SLC2A13: variants seen among roughly 807,000 people sequenced by gnomAD.
SLC2A13 encodes solute carrier family 2 member 13, also known as proton myo-inositol cotransporter.
Under a neutral mutation model 64.4 loss-of-function variants are expected in SLC2A13, and 32 were observed. The ratio of observed to expected loss-of-function variants is 0.50; its 90% confidence interval spans 0.37 to 0.67. The LOEUF is 0.67. SLC2A13 is among the 30% of genes least tolerant of loss of function. The probability of loss-of-function intolerance (pLI) is 0.00; values close to 1 mark genes in which losing one functional copy is unlikely to be tolerated. For missense variants in SLC2A13, 743 were observed against 829.2 expected (o/e 0.90, Z 1.28); for synonymous variants, 338 against 327.1 (o/e 1.03, Z -0.36).
intron 7 of SLC2A13, among the ~76,000 whole-genome samples, chr12:39,783,785 G>C (rs1213607272): frequency 6.6e-6 from 1 of 152,108 alleles, no homozygotes; most frequent in Non-Finnish European, 1.5e-5. Flanking sequence ...AAGTCAAATG[G>C]TCCCTGTTTG....
At chr12:39,964,803 G>A (rs1356739545) in intron 3 of SLC2A13, among the ~76,000 whole-genome samples, 2 of 152,136 alleles carry the variant, frequency 1.3e-5, no homozygotes, top group East Asian at 1.9e-4. Flanking sequence ...TAAGGCTGAC[G>A]AACACACAGT....
intron 3 of SLC2A13, among the ~76,000 whole-genome samples, chr12:40,001,459 A>G (rs1165525235): frequency 6.6e-6 from 1 of 152,220 alleles, no homozygotes; most frequent in African/African-American, 2.4e-5. Flanking sequence ...AATATCTTTA[A>G]TTTCCACAGT....
intron 7 of SLC2A13, among the ~76,000 whole-genome samples, chr12:39,785,006 G>C (rs1304865874): frequency 6.6e-6 from 1 of 152,152 alleles, no homozygotes; most frequent in Non-Finnish European, 1.5e-5. Context: ...GAACATAAAA[G>C]TTAGAAAATT....
chr12:39,978,748 A>G (rs28370741), intron 3 of SLC2A13, among the ~76,000 whole-genome samples: 125 of 152,182 alleles, frequency 8.2e-4, no homozygotes, highest in Admixed American at 1.5e-3. Flanking sequence ...GCTGGGGGAG[A>G]GGCGCCCGCC....
At chr12:39,928,460 G>A (rs983900466) in intron 4 of SLC2A13, among the ~76,000 whole-genome samples, 3 of 152,108 alleles carry the variant, frequency 2.0e-5, no homozygotes, top group African/African-American at 7.2e-5. Context: ...AAAGAAAATA[G>A]AGCTAAAATG....
intron 1 of SLC2A13, among the ~76,000 whole-genome samples, chr12:40,092,020 G>A (rs927267274): frequency 6.6e-5 from 10 of 152,132 alleles, no homozygotes; most frequent in East Asian, 1.9e-4. Flanking sequence ...TCCTCTGCAC[G>A]ACTGTGTCTT....
At chr12:40,098,392 T>G (rs1021615469) in intron 1 of SLC2A13, among the ~76,000 whole-genome samples, 3 of 152,214 alleles carry the variant, frequency 2.0e-5, no homozygotes, top group South Asian at 2.1e-4. Flanking sequence ...TTTTGCAAGA[T>G]GAAAATGTTC....
chr12:40,098,716 G>C (rs144304246), intron 1 of SLC2A13, among the ~76,000 whole-genome samples: 1 of 152,300 alleles, frequency 6.6e-6, no homozygotes, highest in East Asian at 1.9e-4. Context: ...AACTCTTTCT[G>C]CCTAAATATC....
At chr12:40,077,698 G>C (rs1938234155) in intron 1 of SLC2A13, among the ~76,000 whole-genome samples, 1 of 152,112 alleles carries the variant, frequency 6.6e-6, no homozygotes, top group African/African-American at 2.4e-5. Context: ...AAATGATATA[G>C]GTAGTTGGGT....
chr12:39,857,053 G>T (rs1943628167), intron 6 of SLC2A13, among the ~76,000 whole-genome samples: 1 of 152,208 alleles, frequency 6.6e-6, no homozygotes, highest in African/African-American at 2.4e-5. Flanking sequence ...AAAACTCCAA[G>T]TTGGTTTCAT....
At chr12:39,785,328 G>A (rs1941146694) in intron 7 of SLC2A13, among the ~76,000 whole-genome samples, 1 of 152,200 alleles carries the variant, frequency 6.6e-6, no homozygotes, top group East Asian at 1.9e-4. Flanking sequence ...TCTGGCTGTG[G>A]CTTCAGAGAG....
At chr12:39,979,267 T>A (rs991074965) in intron 3 of SLC2A13, among the ~76,000 whole-genome samples, 3 of 136,696 alleles carry the variant, frequency 2.2e-5, no homozygotes, top group African/African-American at 8.3e-5. Flanking sequence ...GCAGAGCGCC[T>A]CTCCTCCTCC....
At chr12:40,038,411 G>A (rs1948024921) in intron 2 of SLC2A13, among the ~76,000 whole-genome samples, 1 of 152,104 alleles carries the variant, frequency 6.6e-6, no homozygotes, top group Non-Finnish European at 1.5e-5. Flanking sequence ...CCCAGGATAT[G>A]ATGAATTCTG....
intron 3 of SLC2A13, among the ~76,000 whole-genome samples, chr12:39,958,385 T>C (rs982966049): frequency 1.3e-5 from 2 of 152,328 alleles, no homozygotes; most frequent in East Asian, 3.9e-4. Flanking sequence ...TGAGATTCTG[T>C]AAGTCTCCAT....
chr12:40,052,177 A>T (rs2136241324), intron 1 of SLC2A13, among the ~76,000 whole-genome samples: 1 of 152,282 alleles, frequency 6.6e-6, no homozygotes, highest in African/African-American at 2.4e-5. Context: ...GTCAGGTCAT[A>T]GATGGAATTG....
intron 4 of SLC2A13, among the ~76,000 whole-genome samples, chr12:39,940,672 T>C (rs1946005451): frequency 6.6e-6 from 1 of 151,992 alleles, no homozygotes; most frequent in Admixed American, 6.6e-5. Flanking sequence ...CAAAAAGCCA[T>C]TTTAGGTTGT....
chr12:39,986,874 C>T (rs1404991941), intron 3 of SLC2A13, among the ~76,000 whole-genome samples: 3 of 152,080 alleles, frequency 2.0e-5, no homozygotes, highest in Non-Finnish European at 4.4e-5. Context: ...TTGGTTAAAG[C>T]TGCCATTTGT....
intron 9 of SLC2A13, among the ~76,000 whole-genome samples, chr12:39,762,950 C>A (rs1478179037): frequency 6.6e-6 from 1 of 151,960 alleles, no homozygotes; most frequent in African/African-American, 2.4e-5. Context: ...AGGATAAATT[C>A]AAGAAAGAGG....
At chr12:40,083,053 C>T (rs1380978610) in intron 1 of SLC2A13, among the ~76,000 whole-genome samples, 1 of 152,164 alleles carries the variant, frequency 6.6e-6, no homozygotes, top group Non-Finnish European at 1.5e-5. Flanking sequence ...TGCATCTAGT[C>T]AGCCATCTTG....
Sources: allele counts gnomAD v4.1 joint callset (sites outside exome capture counted in the v4.1 genomes callset), GRCh38; gene constraint gnomAD v4.1.1; transcripts MANE v1.5; gene names NCBI Gene and HGNC (gene_info 2026-07-23, HGNC 2026-07-21).